HAPLN1: variants seen among roughly 807,000 people sequenced by gnomAD.
The protein encoded by HAPLN1 is hyaluronan and proteoglycan link protein 1.
In HAPLN1, 13 loss-of-function variants were observed where a neutral mutation model predicts 36.5. The observed-to-expected ratio is 0.36, with a 90% confidence interval of 0.23 to 0.57. HAPLN1 has a LOEUF of 0.57. HAPLN1 is among the 20% of genes least tolerant of loss of function. HAPLN1 has a pLI of 0.83. For synonymous variants in HAPLN1, 202 were observed against 169.8 expected, an observed-to-expected ratio of 1.19 and a Z score of -1.48; for missense variants, 407 against 439.7, an observed-to-expected ratio of 0.93 and a Z score of 0.66.
At chr5:83,647,841 A>G (rs1212845588) in intron 3 of HAPLN1, among the ~76,000 whole-genome samples, 2 of 152,338 alleles carry the variant, frequency 1.3e-5, no homozygotes, top group Admixed American at 1.3e-4. Context: ...GGCAGCGACC[A>G]TGTAGCATAA....
At chr5:83,643,059 C>T (rs1749749688) in intron 4 of HAPLN1, among the ~76,000 whole-genome samples, 1 of 152,044 alleles carries the variant, frequency 6.6e-6, no homozygotes. Context: ...CACAGCGGCT[C>T]ACGTCTGTAA....
At chr5:83,659,498 A>C (rs558361477) in intron 2 of HAPLN1, among the ~76,000 whole-genome samples, 6 of 152,192 alleles carry the variant, frequency 3.9e-5, no homozygotes, top group Admixed American at 3.9e-4. Flanking sequence ...GTGTAGAGGA[A>C]GGCTTGGGAG....
chr5:83,672,806 A>G (rs1387798811), intron 2 of HAPLN1, among the ~76,000 whole-genome samples: 1 of 152,336 alleles, frequency 6.6e-6, no homozygotes. Flanking sequence ...AGCTTTCTTA[A>G]TGCAGGATGT....
Position 83,641,644 on chromosome 5 carries a change from G to C in HAPLN1, c.917C>G (p.Ala306Gly), listed in dbSNP as rs778685445. The C allele has an allele frequency of 6.2e-7, 1 of 1,614,158 alleles. No individual in the cohort carries two copies. The highest frequency in any genetic ancestry group is 8.5e-7 in the Non-Finnish European group (1 of 1,180,030). The change falls in exon 5 of 5, where the codon GCG (alanine) becomes GGG (glycine). Residue 306 changes from alanine (A) to glycine (G), a missense_variant. Transcript: ENST00000274341. ...WKILGYDRCDAGWLADGSVRY... is the reference protein window; with the variant it reads ...WKILGYDRCDGGWLADGSVRY... ...GACGCTGCCATCCGCCAACCAGCCCGCATCACAGCGGTCATATCCGAGAAT... is the reference window on the plus strand; with the variant it reads ...GACGCTGCCATCCGCCAACCAGCCCCCATCACAGCGGTCATATCCGAGAAT...
intron 1 of HAPLN1, among the ~76,000 whole-genome samples, chr5:83,684,286 C>CCTTA (rs1379270101): frequency 2.0e-5 from 3 of 152,098 alleles, no homozygotes; most frequent in Non-Finnish European, 4.4e-5. Context: ...TGAGAATCCA[C>CCTTA]CTTACACCAG....
chr5:83,685,655 C>T (rs1353734215), intron 1 of HAPLN1, among the ~76,000 whole-genome samples: 3 of 152,186 alleles, frequency 2.0e-5, no homozygotes, highest in African/African-American at 7.2e-5. Flanking sequence ...ATTGGTCCTT[C>T]TAATCTTGAG....
chr5:83,706,229 A>G (rs1470676806), intron 1 of HAPLN1, among the ~76,000 whole-genome samples: 2 of 152,132 alleles, frequency 1.3e-5, no homozygotes, highest in African/African-American at 4.8e-5. Flanking sequence ...AACTCATTCT[A>G]TGAGGCCAGC....
intron 1 of HAPLN1, among the ~76,000 whole-genome samples, chr5:83,698,537 T>C (rs1751442183): frequency 6.6e-6 from 1 of 152,216 alleles, no homozygotes; most frequent in Admixed American, 6.5e-5. Context: ...TTTTCTTTAA[T>C]GAATTCTTCT....
intron 1 of HAPLN1, among the ~76,000 whole-genome samples, chr5:83,697,591 C>G (rs538410050): frequency 7.5e-4 from 114 of 152,282 alleles, no homozygotes; most frequent in African/African-American, 2.6e-3. Context: ...ATGTTGAGCT[C>G]TTTGAGAAAC....
At chr5:83,658,790 C>T (rs1386188800) in intron 2 of HAPLN1, among the ~76,000 whole-genome samples, 1 of 152,124 alleles carries the variant, frequency 6.6e-6, no homozygotes, top group Non-Finnish European at 1.5e-5. Flanking sequence ...TGCTAACCCT[C>T]TCCCTTCGCG....
At chr5:83,647,844 T>C (rs1267157231) in intron 3 of HAPLN1, among the ~76,000 whole-genome samples, 3 of 152,188 alleles carry the variant, frequency 2.0e-5, no homozygotes, top group Non-Finnish European at 2.9e-5. Context: ...AGCGACCATG[T>C]AGCATAAATA....
At chr5:83,675,931 G>C (rs1454951607) in intron 1 of HAPLN1, among the ~76,000 whole-genome samples, 1 of 152,090 alleles carries the variant, frequency 6.6e-6, no homozygotes. Flanking sequence ...AATTTAATTT[G>C]TTATGTCTTT....
intron 1 of HAPLN1, among the ~76,000 whole-genome samples, chr5:83,710,505 G>A (rs1371499088): frequency 6.6e-6 from 1 of 152,022 alleles, no homozygotes; most frequent in African/African-American, 2.4e-5. Context: ...TTGAGGAGAG[G>A]ATGGGGGTGA....
intron 1 of HAPLN1, 31 bp from the exon 2 acceptor site, chr5:83,673,580 T>A: frequency 7.7e-7 from 1 of 1,306,190 alleles, no homozygotes; most frequent in Non-Finnish European, 1.1e-6. Flanking sequence ...AAGAGGCTTG[T>A]GAGATTTGGA....
intron 1 of HAPLN1, among the ~76,000 whole-genome samples, chr5:83,698,921 A>T (rs1751448967): frequency 6.6e-6 from 1 of 152,210 alleles, no homozygotes; most frequent in Non-Finnish European, 1.5e-5. Flanking sequence ...CGTATACATG[A>T]TACTCAATTC....
intron 3 of HAPLN1, among the ~76,000 whole-genome samples, chr5:83,651,673 C>G (rs998359149): frequency 3.9e-5 from 5 of 129,840 alleles, no homozygotes; most frequent in African/African-American, 1.5e-4. Flanking sequence ...AAAGCATTCT[C>G]TCAATGCTGC....
chr5:83,701,362 A>C (rs1751502865), intron 1 of HAPLN1, among the ~76,000 whole-genome samples: 1 of 152,374 alleles, frequency 6.6e-6, no homozygotes, highest in Admixed American at 6.5e-5. Flanking sequence ...TTTCCTAATA[A>C]GTCATCTAAA....
At chr5:83,647,157 T>C (rs1749901765) in intron 3 of HAPLN1, among the ~76,000 whole-genome samples, 1 of 152,244 alleles carries the variant, frequency 6.6e-6, no homozygotes, top group African/African-American at 2.4e-5. Context: ...GAACATTACT[T>C]AAATACGATT....
At chr5:83,648,744 T>C (rs1440089472) in intron 3 of HAPLN1, among the ~76,000 whole-genome samples, 1 of 152,054 alleles carries the variant, frequency 6.6e-6, no homozygotes, top group East Asian at 1.9e-4. Context: ...TGAGTACCAC[T>C]GCCTGATTGG....
Sources: allele counts gnomAD v4.1 joint callset (sites outside exome capture counted in the v4.1 genomes callset), GRCh38; gene constraint gnomAD v4.1.1; transcripts MANE v1.5; gene names NCBI Gene and HGNC (gene_info 2026-07-23, HGNC 2026-07-21).